The following NKD1 variants were observed in gnomAD, a reference collection of about 807,000 sequenced individuals.
NKD1 encodes the protein NKD inhibitor of Wnt signaling pathway 1, also known as protein naked cuticle homolog 1.
NKD1 carries 21 observed loss-of-function variants against 56.0 expected under a neutral mutation model. That is an observed-to-expected ratio of 0.38 (90% CI 0.27 to 0.54). NKD1 has a LOEUF of 0.54. NKD1 is among the 20% of genes least tolerant of loss of function. The pLI is 0.82. For missense variants in NKD1, 578 were observed against 642.7 expected (o/e 0.90, Z 1.09); for synonymous variants, 263 against 265.7 (o/e 0.99, Z 0.10).
intron 3 of NKD1, among the ~76,000 whole-genome samples, chr16:50,567,196 G>A (rs1383493260): frequency 6.6e-6 from 1 of 152,172 alleles, no homozygotes; most frequent in Non-Finnish European, 1.5e-5. Flanking sequence ...GTTTGGAGTT[G>A]TTTCAAAGAT....
intron 3 of NKD1, among the ~76,000 whole-genome samples, chr16:50,569,411 CT>C (rs1198850086): frequency 2.6e-5 from 4 of 152,176 alleles, no homozygotes; most frequent in Non-Finnish European, 5.9e-5. Flanking sequence ...TCCTTCTTCC[CT>C]TTCATGCTGC....
rs1596753109 is a variant in NKD1, at chr16:50,623,765, A to G, written c.367-1720A>G. ...TGTGTGTGTGTGTGTGTGTGTGTGT[A>G]CACAGGTATGTGAGCGTAGGATGTG... is the stretch of plus-strand genomic sequence containing the variant. On this transcript the variant is annotated intron_variant, in intron 5 of 9. Transcript: ENST00000268459. This position sits in a 1 kb window ranked among gnomAD's most constrained non-coding sequence, Gnocchi z 4.1. Among the ~76,000 whole-genome samples, 2 of 134,916 alleles carry G rather than the reference A, an allele frequency of 1.5e-5. No individual in the cohort carries two copies. Among genetic ancestry groups the G allele is most frequent in the Non-Finnish European group, 3.1e-5 (2 of 63,884 alleles). 88.5% of individuals were successfully genotyped at this position (134,916 alleles called of 152,430 possible).
chr16:50,593,512 A>G (rs562794342), intron 3 of NKD1, among the ~76,000 whole-genome samples: 1 of 152,266 alleles, frequency 6.6e-6, no homozygotes, highest in Non-Finnish European at 1.5e-5. Flanking sequence ...CAACAGAGAG[A>G]AAGAAGATGT....
intron 3 of NKD1, among the ~76,000 whole-genome samples, chr16:50,588,904 T>C (rs1269103878): frequency 6.6e-6 from 1 of 152,082 alleles, no homozygotes; most frequent in African/African-American, 2.4e-5. Context: ...ATGCCTGGCC[T>C]CATATTTCTT....
chr16:50,631,518 G>A (rs1361612224), intron 8 of NKD1, among the ~76,000 whole-genome samples: 1 of 152,212 alleles, frequency 6.6e-6, no homozygotes, highest in Non-Finnish European at 1.5e-5. Flanking sequence ...AGCTGGATTA[G>A]TACTCGCTAG....
chr16:50,632,079 T>C lies in NKD1; in HGVS notation c.696-202T>C, dbSNP rs1962358199. ...GGGGAGGTCGGGCTGTGGGCTGTGG[T>C]CTATGGTCTGTCTCTCCATCGGCAA... On this transcript the variant is annotated intron_variant, in intron 8 of 9. Transcript: ENST00000268459. This position sits in a 1 kb window ranked among gnomAD's most constrained non-coding sequence, Gnocchi z 4.1. Among the ~76,000 whole-genome samples, 1 of 152,168 alleles carries C rather than the reference T, an allele frequency of 6.6e-6. No individual in the cohort carries two copies. The highest frequency in any genetic ancestry group is 2.4e-5 in the African/African-American group (1 of 41,434).
Position 50,630,967 on chromosome 16 carries a change from T to C in NKD1, c.695+57T>C. The stretch of plus-strand genomic sequence containing the variant: ...TGAGCACCAGCTGTGTACCTGCTTC[T>C]GAAGGATTCAGAGCAGGAAGTTTTG... On this transcript the variant is annotated intron_variant, in intron 8 of 9. Coordinates refer to ENST00000268459, the MANE Select transcript of NKD1 (RefSeq NM_033119.5). 4 of 1,394,676 alleles carry C rather than the reference T, an allele frequency of 2.9e-6. No individual in the cohort carries two copies. The South Asian group carries it at 3.9e-5, about 13-fold the overall frequency. The allele number at this position is 1,394,676 out of a possible 1,614,324, so 86.4% of individuals were successfully genotyped here.
rs1962316674 is a variant in NKD1 at position 50,630,350 on chromosome 16, T to C, written c.610+17T>C. On this transcript the variant is annotated intron_variant, in intron 7 of 9. Transcript: ENST00000268459. ...ATCAGGCTGGTGAGGGCTGCAGGGC[T>C]GAGCCTGGGAAACAATGTCCTCCCA... 6.2e-6 allele frequency: 10 copies of C among 1,612,972 alleles called. No individual in the cohort carries two copies. Among genetic ancestry groups the C allele is most frequent in the African/African-American group, 4.0e-5 (3 of 74,878 alleles).
intron 3 of NKD1, chr16:50,562,302 G>A: frequency 3.1e-6 from 3 of 981,360 alleles, no homozygotes; most frequent in Non-Finnish European, 3.6e-6. Context: ...TCAGGCCTGT[G>A]TCACTGTGTA....
intron 4 of NKD1, 48 bp from the exon 5 acceptor site, chr16:50,621,554 G>C: frequency 7.2e-7 from 1 of 1,389,944 alleles, no homozygotes. Context: ...ATGGCTGCCC[G>C]GCGTCTGGAC....
intron 3 of NKD1, among the ~76,000 whole-genome samples, chr16:50,593,547 A>C (rs1430644483): frequency 6.6e-6 from 1 of 152,152 alleles, no homozygotes; most frequent in Admixed American, 6.5e-5. Flanking sequence ...TCCTTGGCAT[A>C]GCTTGGGTTG....
intron 4 of NKD1, 24 bp from the exon 5 acceptor site, chr16:50,621,578 C>T (rs1397896544): frequency 1.9e-6 from 3 of 1,574,910 alleles, no homozygotes; most frequent in East Asian, 4.5e-5. Flanking sequence ...GCTCCTAATG[C>T]TCCCTCGCCT....
intron 3 of NKD1, among the ~76,000 whole-genome samples, chr16:50,551,570 TG>T (rs1436037278): frequency 6.6e-6 from 1 of 152,156 alleles, no homozygotes; most frequent in Non-Finnish European, 1.5e-5. Context: ...TCACCAACCT[TG>T]GCCCCAGATG....
chr16:50,574,824 C>T, intron 3 of NKD1: 1 of 985,372 alleles, frequency 1.0e-6, no homozygotes, highest in East Asian at 1.1e-4. Context: ...AACAGTAAAA[C>T]CAAATACATG....
intron 3 of NKD1, among the ~76,000 whole-genome samples, chr16:50,603,621 A>C (rs1000203997): frequency 6.6e-6 from 1 of 152,232 alleles, no homozygotes; most frequent in Admixed American, 6.5e-5. Flanking sequence ...AAGATTGACA[A>C]AGCACTGCTG....
At position 50,608,283 on chromosome 16, in the gene NKD1, T is replaced by A; in HGVS notation, c.193-11T>A. 6.2e-7 allele frequency: 1 copy of A among 1,607,890 alleles called. No homozygotes were observed. The highest frequency in any genetic ancestry group is 1.1e-5 in the South Asian group (1 of 90,952). Reference sequence around the variant, plus strand: ...ACCCCTGCTCAATGCCTCTGCTCTGTCTTCTTGTAGGAGCTCGTGGGCGAC... The same window carrying A: ...ACCCCTGCTCAATGCCTCTGCTCTGACTTCTTGTAGGAGCTCGTGGGCGAC... On this transcript the variant is annotated splice_polypyrimidine_tract_variant and intron_variant, in intron 3 of 9. Transcript: ENST00000268459.
chr16:50,579,790 G>A (rs922454685), intron 3 of NKD1, among the ~76,000 whole-genome samples: 22 of 151,928 alleles, frequency 1.4e-4, no homozygotes, highest in African/African-American at 5.3e-4. Flanking sequence ...ACTCTAACCC[G>A]CCACACATGC....
At chr16:50,572,944 C>T in intron 3 of NKD1, 1 of 914,032 alleles carries the variant, frequency 1.1e-6, no homozygotes, top group Non-Finnish European at 1.3e-6. Context: ...GCTCTGGAAT[C>T]AGATGAGTTT....
At position 50,633,700 on chromosome 16, in the gene NKD1, G is replaced by T. The variant is rs1316782529; in HGVS notation, c.1332G>T (p.Gln444His). 1.9e-6 allele frequency: 3 copies of T among 1,592,954 alleles called. No individual in the cohort carries two copies. In the South Asian group the frequency reaches 3.4e-5, roughly 18 times the overall value. ...ELPALVVYES[Q>H]AGQPVQRHEH... Reference sequence around the variant, plus strand: ...CCGCCTTGGTGGTGTATGAGAGCCAGGCCGGGCAGCCGGTCCAGAGACATG... The same window carrying T: ...CCGCCTTGGTGGTGTATGAGAGCCATGCCGGGCAGCCGGTCCAGAGACATG... The change falls in exon 10 of 10, where the codon CAG (glutamine) becomes CAT (histidine). Residue 444 changes from glutamine (Q) to histidine (H), a missense_variant. Coordinates refer to ENST00000268459, the MANE Select transcript of NKD1 (RefSeq NM_033119.5). This position sits in a 1 kb window ranked among gnomAD's most constrained non-coding sequence, Gnocchi z 4.9.
Sources: gnomAD v4.1 joint callset for allele counts (sites outside exome capture counted in the v4.1 genomes callset) on GRCh38, gnomAD v4.1.1 for gene constraint, Gnocchi (gnomAD v3.1) non-coding constraint, MANE v1.5 for transcripts, NCBI Gene and HGNC (gene_info 2026-07-23, HGNC 2026-07-21) for gene names.